Variants in NDST3 observed in about 807,000 individuals in gnomAD.
NDST3 encodes N-deacetylase and N-sulfotransferase 3.
In NDST3, 58 loss-of-function variants were observed where a neutral mutation model predicts 96.1. The ratio of observed to expected loss-of-function variants is 0.60; its 90% CI spans 0.49 to 0.75. The LOEUF (loss-of-function observed/expected upper bound fraction) is 0.75, where lower values mean the gene tolerates loss of function less well. Ranked by LOEUF, NDST3 falls within the 30% of genes least tolerant of loss-of-function variation. NDST3 has a pLI of 0.00. For synonymous variants in NDST3, 333 were observed against 359.7 expected (o/e 0.93, Z 0.84); for missense variants, 788 against 1,034.2 (o/e 0.76, Z 3.27).
At position 118,053,904 on chromosome 4, in the gene NDST3, C is replaced by G. The variant is rs771740899; in HGVS notation, c.-7C>G. On this transcript the variant is annotated 5_prime_UTR_variant, in exon 2 of 14. Transcript: ENST00000296499. ...CTGTTGGCATAGTTGGGGAAAGCAC[C>G]TACAACATGAGTTTTATCATGAAGC... 1 of 1,583,994 alleles carries G rather than the reference C, an allele frequency of 6.3e-7. No individual in the cohort carries two copies. The highest frequency in any genetic ancestry group is 1.8e-5 in the Admixed American group (1 of 56,362).
At chr4:118,153,976 T>C (rs1443969796) in intron 6 of NDST3, among the ~76,000 whole-genome samples, 2 of 152,278 alleles carry the variant, frequency 1.3e-5, no homozygotes, top group South Asian at 2.1e-4. Flanking sequence ...GATCACACAA[T>C]TGAAGATGAT....
chr4:118,056,271 A>G (rs1725422494), intron 2 of NDST3, among the ~76,000 whole-genome samples: 1 of 151,902 alleles, frequency 6.6e-6, no homozygotes, highest in Non-Finnish European at 1.5e-5. Flanking sequence ...TGGTAAATAA[A>G]TCCCTGAGTT....
At chr4:118,235,653 T>G (rs994606423) in intron 9 of NDST3, among the ~76,000 whole-genome samples, 5 of 152,214 alleles carry the variant, frequency 3.3e-5, no homozygotes, top group Admixed American at 6.5e-5. Context: ...AAGATACCAC[T>G]AGACACTTGA....
intron 2 of NDST3, among the ~76,000 whole-genome samples, chr4:118,066,949 TTATATA>T (rs755065782): frequency 7.9e-6 from 1 of 126,540 alleles, no homozygotes; most frequent in Non-Finnish European, 1.6e-5. Context: ...ATGTTATATA[TTATATA>T]TATATATATA....
rs546725395 is a variant in NDST3, at chr4:118,237,856, C to A, written c.2118+636C>A. 3.3e-5 allele frequency among the ~76,000 whole-genome samples: 5 copies of A among 152,108 alleles called. No homozygotes were observed. In the East Asian group the frequency reaches 9.7e-4, roughly 29 times the overall value. On this transcript the variant is annotated intron_variant, in intron 10 of 13. Coordinates refer to ENST00000296499, the MANE Select transcript of NDST3 (RefSeq NM_004784.3). ...GGGCGTGGTGGCTCATGCCTGTAAT[C>A]CAAGCATTTTGGAAGGTGGGAAGAT...
intron 1 of NDST3, among the ~76,000 whole-genome samples, chr4:118,045,774 T>C (rs1263073702): frequency 3.3e-5 from 5 of 152,180 alleles, no homozygotes; most frequent in African/African-American, 1.2e-4. Flanking sequence ...TCTAATCTTA[T>C]GACAAACACT....
At chr4:118,057,654 A>T (rs906259310) in intron 2 of NDST3, among the ~76,000 whole-genome samples, 2 of 152,084 alleles carry the variant, frequency 1.3e-5, no homozygotes, top group Middle Eastern at 3.2e-3. Context: ...CCACTGGGCT[A>T]AGGACTGGAG....
At chr4:118,143,808 A>G (rs970706352) in intron 6 of NDST3, 124 bp downstream of exon 6, 1 of 1,087,008 alleles carries the variant, frequency 9.2e-7, no homozygotes, top group Non-Finnish European at 1.3e-6. Flanking sequence ...GCTCTGAAAC[A>G]GTAGTAAAAA....
In NDST3 at chr4:118,207,362, C is replaced by T. The variant is rs1449246550; in HGVS notation, c.1540-17129C>T. Among the ~76,000 whole-genome samples the T allele has an allele frequency of 1.4e-5, 2 of 144,314 alleles. 1 individual carries two copies. The highest frequency in any genetic ancestry group is 5.1e-5 in the African/African-American group (2 of 39,088). The allele number at this position is 144,314 out of a possible 152,430, so 94.7% of individuals were successfully genotyped here. A position where few individuals can be genotyped will look rare whatever the true frequency, so the allele number is the denominator to read the frequency against. ...AGAAGAACAGAAATTTGTAGAAAGC[C>T]TAGTATTGAATAGTATTATGCCATG... On this transcript the variant is annotated intron_variant, in intron 6 of 13. Transcript: ENST00000296499.
intron 4 of NDST3, among the ~76,000 whole-genome samples, chr4:118,115,725 T>A (rs767575914): frequency 3.9e-5 from 6 of 152,136 alleles, no homozygotes; most frequent in Admixed American, 6.5e-5. Context: ...TACACTTACA[T>A]GGAATGGTTT....
chr4:118,072,356 C>T (rs370280687), intron 2 of NDST3, among the ~76,000 whole-genome samples: 15 of 152,072 alleles, frequency 9.9e-5, no homozygotes, highest in African/African-American at 3.1e-4. Flanking sequence ...TCTTCCTATT[C>T]ATGAGCACGG....
Position 118,226,882 on chromosome 4 carries a change from T to C in NDST3, c.1723-4T>C. On this transcript the variant is annotated splice_polypyrimidine_tract_variant and splice_region_variant and intron_variant, in intron 7 of 13. Coordinates refer to ENST00000296499, the MANE Select transcript of NDST3 (RefSeq NM_004784.3). ...ATACATCTCTATGTTCTTCTCCCAT[T>C]TAGAATCCTTGCGATGACAAACGCC... 1.9e-6 allele frequency: 3 copies of C among 1,604,858 alleles called. No individual in the cohort carries two copies. Among genetic ancestry groups the C allele is most frequent in the Non-Finnish European group, 2.6e-6 (3 of 1,174,966 alleles).
At chr4:118,093,743 G>A (rs1414286381) in intron 2 of NDST3, among the ~76,000 whole-genome samples, 1 of 151,814 alleles carries the variant, frequency 6.6e-6, no homozygotes, top group African/African-American at 2.4e-5. Flanking sequence ...TTAAGTGAGA[G>A]CATGAAACCC....
chr4:118,200,773 A>ATTTTC (rs1396076687), intron 6 of NDST3, among the ~76,000 whole-genome samples: 2 of 151,796 alleles, frequency 1.3e-5, no homozygotes, highest in Admixed American at 1.3e-4. Flanking sequence ...GGAAAGCTTC[A>ATTTTC]TTTTCTTTTC....
At position 118,067,273 on chromosome 4, in the gene NDST3, T is replaced by C. The variant is rs542362771; in HGVS notation, c.981+12382T>C. 6.6e-5 allele frequency among the ~76,000 whole-genome samples: 10 copies of C among 152,148 alleles called. No homozygotes were observed. In the East Asian group the frequency reaches 1.5e-3, roughly 23 times the overall value. On this transcript the variant is annotated intron_variant, in intron 2 of 13. Coordinates refer to ENST00000296499, the MANE Select transcript of NDST3 (RefSeq NM_004784.3). Reference sequence around the variant, plus strand: ...AAAACCCATTTTAACTCTAGTGTGATTGCTTTAAAAAAGTAAGTTAGGTTA... The same window carrying C: ...AAAACCCATTTTAACTCTAGTGTGACTGCTTTAAAAAAGTAAGTTAGGTTA...
chr4:118,081,400 A>G lies in NDST3; in HGVS notation c.982-23618A>G, dbSNP rs1195857928. Among the ~76,000 whole-genome samples, 4 of 118,850 alleles carry G rather than the reference A, an allele frequency of 3.4e-5. No individual in the cohort carries two copies. The Admixed American group carries it at 4.3e-4, about 13-fold the overall frequency. 78.0% of individuals were successfully genotyped at this position (118,850 alleles called of 152,430 possible). The stretch of plus-strand genomic sequence containing the variant: ...GTTTATTTTTTAAATGATGCATACA[A>G]TGCAAGTGATTGTGTGTGTGTGTGC... On this transcript the variant is annotated intron_variant, in intron 2 of 13. Coordinates refer to ENST00000296499, the MANE Select transcript of NDST3 (RefSeq NM_004784.3).
intron 1 of NDST3, among the ~76,000 whole-genome samples, chr4:118,039,416 A>C (rs962160341): frequency 6.6e-6 from 1 of 152,084 alleles, no homozygotes; most frequent in South Asian, 2.1e-4. Context: ...GCCTTTTTTC[A>C]CTCATTCAAC....
intron 2 of NDST3, among the ~76,000 whole-genome samples, chr4:118,073,915 G>A (rs1030902847): frequency 1.3e-5 from 2 of 152,078 alleles, no homozygotes; most frequent in African/African-American, 4.8e-5. Context: ...AGCATTTAGT[G>A]CTAAAAACTT....
chr4:118,072,944 T>G lies in NDST3; in HGVS notation c.981+18053T>G, dbSNP rs189420360. On this transcript the variant is annotated intron_variant, in intron 2 of 13. Coordinates refer to ENST00000296499, the MANE Select transcript of NDST3 (RefSeq NM_004784.3). ...TGACGGTTTTTAACATGAAGGAAGTTGAATTTTATCGAAAGCTTTTCTGCA... is the reference window on the plus strand; with the variant it reads ...TGACGGTTTTTAACATGAAGGAAGTGGAATTTTATCGAAAGCTTTTCTGCA... Among the ~76,000 whole-genome samples, 686 of 152,272 alleles carry G rather than the reference T, an allele frequency of 4.5e-3. 3 individuals are homozygous for G. In the Middle Eastern group the frequency reaches 0.048, roughly 11 times the overall value.
Sources: gnomAD v4.1 joint callset for allele counts (sites outside exome capture counted in the v4.1 genomes callset) on GRCh38, gnomAD v4.1.1 for gene constraint, MANE v1.5 for transcripts, NCBI Gene and HGNC (gene_info 2026-07-23, HGNC 2026-07-21) for gene names.